The following TSHZ3 variants were observed in gnomAD, a reference collection of about 807,000 sequenced individuals.
The protein encoded by TSHZ3 is teashirt zinc finger homeobox 3.
Under a neutral mutation model 64.5 loss-of-function variants are expected in TSHZ3, and 10 were observed. The observed-to-expected ratio is 0.16, with a 90% CI of 0.10 to 0.26. TSHZ3 has a LOEUF of 0.26. Among genes scored for constraint, TSHZ3 ranks in the 10% least tolerant of loss-of-function variants. TSHZ3 has a pLI of 1.00. For synonymous variants in TSHZ3, 608 were observed against 593.1 expected (o/e 1.03, Z -0.36); for missense variants, 1,242 against 1,421.7 (o/e 0.87, Z 2.03).
chr19:31,318,973 T>C (rs1916686926), intron 1 of TSHZ3, among the ~76,000 whole-genome samples: 1 of 152,228 alleles, frequency 6.6e-6, no homozygotes, highest in Non-Finnish European at 1.5e-5. Flanking sequence ...CCTACCACCC[T>C]GGTGCCATGG....
At chr19:31,214,389 A>G (rs1975299135) in intron 4 of TSHZ3, among the ~76,000 whole-genome samples, 2 of 152,230 alleles carry the variant, frequency 1.3e-5, no homozygotes, top group Admixed American at 6.5e-5. Flanking sequence ...GGTGTGGTGC[A>G]GGAAGTGACT....
chr19:31,305,765 A>T (rs1201515240), intron 1 of TSHZ3: 1 of 152,230 alleles, frequency 6.6e-6, no homozygotes, highest in Non-Finnish European at 1.5e-5. Context: ...TTGACTTTTC[A>T]GAGCAATGTT....
intron 1 of TSHZ3, among the ~76,000 whole-genome samples, chr19:31,266,719 A>T (rs1976058112): frequency 6.6e-6 from 1 of 152,230 alleles, no homozygotes; most frequent in Admixed American, 6.5e-5. Context: ...CGGGAATAGA[A>T]TAAAATGCAT....
chr19:31,210,360 C>T (rs747014554), intron 4 of TSHZ3, among the ~76,000 whole-genome samples: 6 of 152,148 alleles, frequency 3.9e-5, no homozygotes, highest in Non-Finnish European at 5.9e-5. Context: ...CCCCACTTCT[C>T]GCCTCTGAAT....
intron 5 of TSHZ3, among the ~76,000 whole-genome samples, chr19:31,196,564 G>T (rs1328926867): frequency 6.6e-6 from 1 of 151,884 alleles, no homozygotes. Flanking sequence ...TCCAACTATA[G>T]GTTTTCTAGC....
At chr19:31,281,252 C>A (rs1006886445) in intron 1 of TSHZ3, among the ~76,000 whole-genome samples, 10 of 152,052 alleles carry the variant, frequency 6.6e-5, no homozygotes, top group African/African-American at 2.4e-4. Context: ...AACAAACAAA[C>A]AAAAACAGTG....
rs35192337 is a variant in TSHZ3 at position 31,213,356 on chromosome 19, C to CAAAAAAA, written n.687-8285_687-8279dup. ...TGAGCAACAGAGCGAGACTCTGTCTCAAAAAAAAAAAAAAAAAAAAAAAAA... is the reference window on the plus strand; with the variant it reads ...TGAGCAACAGAGCGAGACTCTGTCTCAAAAAAAAAAAAAAAAAAAAAAAAAAAAAAAA... On this transcript the variant is annotated intron_variant and non_coding_transcript_variant, in intron 4 of 6. Coordinates refer to the TSHZ3 transcript ENST00000651361. Among the ~76,000 whole-genome samples the CAAAAAAA allele has an allele frequency of 7.9e-3, 184 of 23,304 alleles. 64 individuals are homozygous for CAAAAAAA. Among genetic ancestry groups the CAAAAAAA allele is most frequent in the Non-Finnish European group, 8.2e-3 (108 of 13,244 alleles). 15.3% of individuals were successfully genotyped at this position (23,304 alleles called of 152,430 possible). A position where few individuals can be genotyped will look rare whatever the true frequency, so the allele number is the denominator to read the frequency against.
Position 31,277,874 on chromosome 19 carries a change from C to G in TSHZ3, c.1919G>C (p.Arg640Pro). ...EPDGKLSPPKRATPSPCSSEV... is the reference protein window; with the variant it reads ...EPDGKLSPPKPATPSPCSSEV... ...GCTGCTACATGGGGAGGGAGTGGCC[C>G]GCTTGGGCGGGGAAAGCTTCCCATC... The change falls in exon 2 of 2, where the codon CGG (arginine) becomes CCG (proline). Residue 640 changes from arginine (R) to proline (P), a missense_variant. Coordinates refer to ENST00000240587, the MANE Select transcript of TSHZ3 (RefSeq NM_020856.4). The surrounding 1 kb of genome is among the most constrained non-coding windows in gnomAD (Gnocchi z 4.5). 1 of 1,608,164 alleles carries G rather than the reference C, an allele frequency of 6.2e-7. No homozygotes were observed. Among genetic ancestry groups the G allele is most frequent in the Non-Finnish European group, 8.5e-7 (1 of 1,177,484 alleles).
intron 1 of TSHZ3, among the ~76,000 whole-genome samples, chr19:31,333,938 C>G (rs1386088739): frequency 6.6e-6 from 1 of 152,182 alleles, no homozygotes; most frequent in Non-Finnish European, 1.5e-5. Flanking sequence ...CCACTTCTTT[C>G]ACAAGGAGCG....
At position 31,214,596 on chromosome 19, in the gene TSHZ3, C is replaced by A. The variant is rs1975301661; in HGVS notation, n.687-9518G>T. Among the ~76,000 whole-genome samples, 4 of 152,228 alleles carry A rather than the reference C, an allele frequency of 2.6e-5. No individual in the cohort carries two copies. In the South Asian group the frequency reaches 8.3e-4, roughly 32 times the overall value. On this transcript the variant is annotated intron_variant and non_coding_transcript_variant, in intron 4 of 6. Transcript: ENST00000651361. ...ACATCCCAGGATTAAGTGTGGGGGT[C>A]CTGAAGACCTATTTCCTAAAGAATC...
intron 1 of TSHZ3, among the ~76,000 whole-genome samples, chr19:31,340,355 A>AAAAAAAAAC (rs1189680685): frequency 3.3e-5 from 5 of 149,636 alleles, no homozygotes; most frequent in African/African-American, 1.2e-4. Flanking sequence ...AAAAAAAAAA[A>AAAAAAAAAC]AAAAAAAAAC....
chr19:31,295,832 C>T (rs984250502), intron 1 of TSHZ3, among the ~76,000 whole-genome samples: 5 of 150,472 alleles, frequency 3.3e-5, no homozygotes, highest in African/African-American at 1.2e-4. Flanking sequence ...ATTACATGGC[C>T]ATATTGTGTG....
intron 5 of TSHZ3, among the ~76,000 whole-genome samples, chr19:31,157,084 G>A (rs1974314824): frequency 6.7e-6 from 1 of 148,652 alleles, no homozygotes; most frequent in Non-Finnish European, 1.5e-5. Flanking sequence ...AACATATATT[G>A]ACATTCTAAC....
Position 31,180,090 on chromosome 19 carries a change from G to A in TSHZ3, n.810-23673C>T, listed in dbSNP as rs146370891. ...GGCAATTTGTATTATAATTACATTT[G>A]AGTTTGTTTGTGTTCCTTACCCCTC... On this transcript the variant is annotated intron_variant and non_coding_transcript_variant, in intron 5 of 6. Coordinates refer to the TSHZ3 transcript ENST00000651361. 5.3e-3 allele frequency among the ~76,000 whole-genome samples: 805 copies of A among 152,242 alleles called. 10 individuals carry two copies. The highest frequency in any genetic ancestry group is 0.019 in the African/African-American group (772 of 41,546).
intron 5 of TSHZ3, among the ~76,000 whole-genome samples, chr19:31,188,245 T>C (rs1243950219): frequency 6.6e-6 from 1 of 151,936 alleles, no homozygotes; most frequent in African/African-American, 2.4e-5. Context: ...CTAGTAACTT[T>C]GCTAAATTCA....
intron 1 of TSHZ3, among the ~76,000 whole-genome samples, chr19:31,306,845 C>T (rs2145149397): frequency 6.6e-6 from 1 of 152,280 alleles, no homozygotes; most frequent in Middle Eastern, 3.4e-3. Context: ...AGCTAGTATA[C>T]TCATTTCAAT....
At chr19:31,245,594 C>T (rs186862059) in intron 1 of TSHZ3, among the ~76,000 whole-genome samples, 1 of 152,322 alleles carries the variant, frequency 6.6e-6, no homozygotes, top group Admixed American at 6.5e-5. Flanking sequence ...CTGACAACTG[C>T]ACTATCAGAT....
chr19:31,245,795 G>T (rs971720559), intron 1 of TSHZ3, among the ~76,000 whole-genome samples: 2 of 152,246 alleles, frequency 1.3e-5, no homozygotes, highest in Non-Finnish European at 1.5e-5. Context: ...CCCATCCTGT[G>T]GTGCCCAAGA....
intron 3 of TSHZ3, among the ~76,000 whole-genome samples, chr19:31,232,129 C>T (rs1421777471): frequency 6.6e-6 from 1 of 152,046 alleles, no homozygotes; most frequent in East Asian, 1.9e-4. Context: ...GCCAGCTAAC[C>T]CTGGGGGAGC....
Sources: gnomAD v4.1 joint callset for allele counts (sites outside exome capture counted in the v4.1 genomes callset) on GRCh38, gnomAD v4.1.1 for gene constraint, Gnocchi (gnomAD v3.1) non-coding constraint, MANE v1.5 for transcripts, NCBI Gene and HGNC (gene_info 2026-07-23, HGNC 2026-07-21) for gene names.